Variants in SLC39A12 observed in about 807,000 individuals in gnomAD.
SLC39A12 encodes the protein zinc transporter ZIP12.
Under a neutral mutation model 71.1 loss-of-function variants are expected in SLC39A12, and 63 were observed. The observed-to-expected ratio is 0.89, with a 90% confidence interval of 0.72 to 1.09. SLC39A12 has a LOEUF of 1.09. Among genes scored for constraint, SLC39A12 ranks in the 50% least tolerant of loss-of-function variants. SLC39A12 has a pLI of 0.00. For missense variants in SLC39A12, 892 were observed against 812.6 expected, an observed-to-expected ratio of 1.10 and a Z score of -1.19; for synonymous variants, 351 against 301.3, an observed-to-expected ratio of 1.16 and a Z score of -1.71.
chr10:17,996,040 A>G (rs1241721389), intron 10 of SLC39A12, among the ~76,000 whole-genome samples: 1 of 152,172 alleles, frequency 6.6e-6, no homozygotes, highest in Non-Finnish European at 1.5e-5. Context: ...TATTTGTGTG[A>G]TGATTGAGGC....
chr10:17,968,651 T>C (rs1357384612), intron 4 of SLC39A12, among the ~76,000 whole-genome samples: 1 of 152,128 alleles, frequency 6.6e-6, no homozygotes, highest in Non-Finnish European at 1.5e-5. Flanking sequence ...TCTTTTTCTT[T>C]TTTCAAATTT....
At chr10:18,001,396 C>G (rs1235286655) in intron 11 of SLC39A12, among the ~76,000 whole-genome samples, 1 of 152,100 alleles carries the variant, frequency 6.6e-6, no homozygotes, top group African/African-American at 2.4e-5. Context: ...GGCCTGTAAC[C>G]CCAGCTACTT....
chr10:17,995,505 T>C, intron 9 of SLC39A12, 151 bp from the exon 10 acceptor site: 1 of 649,884 alleles, frequency 1.5e-6, no homozygotes, highest in Non-Finnish European at 2.6e-6. Flanking sequence ...CAGCTCTACA[T>C]TGTGTGTGTC....
At chr10:18,036,261 G>A (rs1221862421) in intron 12 of SLC39A12, among the ~76,000 whole-genome samples, 3 of 152,204 alleles carry the variant, frequency 2.0e-5, no homozygotes, top group South Asian at 2.1e-4. Context: ...CTGCCGCCTT[G>A]CAGTTTGATC....
intron 6 of SLC39A12, among the ~76,000 whole-genome samples, chr10:17,984,601 T>A (rs1835354826): frequency 6.6e-6 from 1 of 152,252 alleles, no homozygotes; most frequent in African/African-American, 2.4e-5. Context: ...GAATGGGATA[T>A]GAAACTTAGT....
intron 1 of SLC39A12, among the ~76,000 whole-genome samples, chr10:17,952,764 GGT>G (rs1206717612): frequency 6.6e-6 from 1 of 152,088 alleles, no homozygotes; most frequent in Non-Finnish European, 1.5e-5. Flanking sequence ...TGGGATTACT[GGT>G]GTGAGCTACC....
chr10:17,969,141 A>G lies in SLC39A12; in HGVS notation c.751+3451A>G, dbSNP rs1460998488. Among the ~76,000 whole-genome samples the G allele has an allele frequency of 2.6e-5, 4 of 152,278 alleles. No homozygotes were observed. The East Asian group carries it at 5.8e-4, about 22-fold the overall frequency. On this transcript the variant is annotated intron_variant, in intron 4 of 12. Coordinates refer to ENST00000377369, the MANE Select transcript of SLC39A12 (RefSeq NM_001145195.2). The stretch of plus-strand genomic sequence containing the variant: ...TGATCTCATTCTTTTTTATGGCTGA[A>G]TGGTATTCCATTGTGTATATGTACC...
chr10:18,001,414 TGAGGTGG>T, intron 11 of SLC39A12, among the ~76,000 whole-genome samples: 1 of 152,282 alleles, frequency 6.6e-6, no homozygotes, highest in African/African-American at 2.4e-5. Context: ...CTTGGGAGGC[TGAGGTGG>T]GAGAATCGCT....
chr10:18,023,151 T>TG (rs1219784198), intron 12 of SLC39A12, among the ~76,000 whole-genome samples: 5 of 152,038 alleles, frequency 3.3e-5, no homozygotes, highest in African/African-American at 9.7e-5. Context: ...CTTCCCCAGC[T>TG]GGGGGGCAGC....
chr10:17,960,720 T>C (rs1834666655), intron 2 of SLC39A12, among the ~76,000 whole-genome samples: 1 of 152,222 alleles, frequency 6.6e-6, no homozygotes, highest in Non-Finnish European at 1.5e-5. Context: ...TCCAGCACAG[T>C]AACCACTAGC....
At chr10:17,986,916 G>T (rs1835413034) in intron 6 of SLC39A12, among the ~76,000 whole-genome samples, 1 of 152,150 alleles carries the variant, frequency 6.6e-6, no homozygotes, top group Non-Finnish European at 1.5e-5. Flanking sequence ...GATGTGGGAA[G>T]ATCACTTGAG....
chr10:17,968,772 G>C (rs936593841), intron 4 of SLC39A12, among the ~76,000 whole-genome samples: 1 of 152,028 alleles, frequency 6.6e-6, no homozygotes, highest in Non-Finnish European at 1.5e-5. Context: ...ATCCCTTCAA[G>C]CATTTATTGT....
chr10:17,969,566 C>T (rs939779797), intron 4 of SLC39A12, among the ~76,000 whole-genome samples: 1 of 152,120 alleles, frequency 6.6e-6, no homozygotes, highest in African/African-American at 2.4e-5. Flanking sequence ...TTTTCATATT[C>T]CTGTTTGCCA....
intron 12 of SLC39A12, among the ~76,000 whole-genome samples, chr10:18,016,515 A>G (rs761135317): frequency 6.6e-6 from 1 of 152,244 alleles, no homozygotes; most frequent in South Asian, 2.1e-4. Context: ...ACACTTGAGC[A>G]GGTTTTTGTG....
At chr10:17,989,350 C>T (rs1289886751) in intron 7 of SLC39A12, among the ~76,000 whole-genome samples, 2 of 152,246 alleles carry the variant, frequency 1.3e-5, no homozygotes, top group African/African-American at 4.8e-5. Flanking sequence ...TAATTGCCCT[C>T]ATAATCTAAT....
intron 5 of SLC39A12, among the ~76,000 whole-genome samples, chr10:17,978,494 ACT>A (rs1251946291): frequency 1.3e-5 from 2 of 152,000 alleles, no homozygotes; most frequent in African/African-American, 4.8e-5. Flanking sequence ...GTTGAAGTTG[ACT>A]CTTTCAGACT....
chr10:17,958,016 T>A (rs1157820405), intron 2 of SLC39A12, among the ~76,000 whole-genome samples: 1 of 152,204 alleles, frequency 6.6e-6, no homozygotes, highest in African/African-American at 2.4e-5. Context: ...TACAGCTGTT[T>A]CAAGCTTTCC....
chr10:17,982,775 C>T (rs1282799052), intron 6 of SLC39A12, among the ~76,000 whole-genome samples: 1 of 151,962 alleles, frequency 6.6e-6, no homozygotes, highest in Admixed American at 6.6e-5. Flanking sequence ...ACAGGCCGCT[C>T]GGAAAAGGGT....
At chr10:18,024,023 G>A (rs1414868350) in intron 12 of SLC39A12, among the ~76,000 whole-genome samples, 2 of 152,136 alleles carry the variant, frequency 1.3e-5, no homozygotes, top group Non-Finnish European at 2.9e-5. Context: ...GGCTGCAGCA[G>A]TGTCAAAAAG....
Sources: allele counts gnomAD v4.1 joint callset (sites outside exome capture counted in the v4.1 genomes callset), GRCh38; gene constraint gnomAD v4.1.1; transcripts MANE v1.5; gene names NCBI Gene and HGNC (gene_info 2026-07-23, HGNC 2026-07-21).